Variants in ARL15 observed in about 807,000 individuals in gnomAD.
The protein encoded by ARL15 is ARF like GTPase 15, also known as ADP-ribosylation factor-like protein 15.
A neutral mutation model predicts 25.2 loss-of-function variants in ARL15; 19 were observed. That is an observed-to-expected ratio of 0.75 (90% CI 0.53 to 1.10). The LOEUF is 1.10. Among genes scored for constraint, ARL15 ranks in the 50% least tolerant of loss-of-function variants. The pLI is 0.00. For missense variants in ARL15, 220 were observed against 246.0 expected, an observed-to-expected ratio of 0.89 and a Z score of 0.71; for synonymous variants, 94 against 86.8, an observed-to-expected ratio of 1.08 and a Z score of -0.46.
At chr5:53,989,577 GT>G (rs1278929155) in intron 4 of ARL15, among the ~76,000 whole-genome samples, 7 of 20,912 alleles carry the variant, frequency 3.3e-4, no homozygotes, top group East Asian at 8.8e-3. Flanking sequence ...CCAGGGAGGG[GT>G]GTGTGTGTGT....
At chr5:54,166,526 T>C (rs1027095302) in intron 2 of ARL15, among the ~76,000 whole-genome samples, 5 of 152,062 alleles carry the variant, frequency 3.3e-5, no homozygotes, top group African/African-American at 9.7e-5. Flanking sequence ...TTGTTTGGGG[T>C]TCAGTGAGCT....
At chr5:54,020,628 A>T (rs140436143) in intron 4 of ARL15, among the ~76,000 whole-genome samples, 1 of 152,256 alleles carries the variant, frequency 6.6e-6, no homozygotes, top group East Asian at 1.9e-4. Flanking sequence ...GACTTGTCAT[A>T]CCAAGAACCA....
At chr5:54,023,315 G>T (rs1749676213) in intron 4 of ARL15, among the ~76,000 whole-genome samples, 1 of 83,308 alleles carries the variant, frequency 1.2e-5, no homozygotes, top group Non-Finnish European at 2.7e-5. Context: ...AAATATTACA[G>T]ATATATGGAA....
chr5:54,064,918 G>C (rs1751171152), intron 4 of ARL15, among the ~76,000 whole-genome samples: 1 of 152,166 alleles, frequency 6.6e-6, no homozygotes, highest in South Asian at 2.1e-4. Flanking sequence ...ACAGGAATAA[G>C]CATGTGTAGA....
At chr5:53,931,183 G>C (rs1309312462) in intron 4 of ARL15, among the ~76,000 whole-genome samples, 1 of 152,014 alleles carries the variant, frequency 6.6e-6, no homozygotes, top group Non-Finnish European at 1.5e-5. Context: ...ATATTATTAT[G>C]AAAAAACGCA....
At chr5:54,236,384 G>A (rs1282148731) in intron 1 of ARL15, among the ~76,000 whole-genome samples, 2 of 150,178 alleles carry the variant, frequency 1.3e-5, no homozygotes, top group African/African-American at 2.5e-5. Context: ...GGAAGTGGCC[G>A]AGTTGAACTG....
chr5:53,914,206 A>C (rs112122626), intron 4 of ARL15, among the ~76,000 whole-genome samples: 1 of 151,754 alleles, frequency 6.6e-6, no homozygotes, highest in Non-Finnish European at 1.5e-5. Flanking sequence ...TAAATCTCCC[A>C]ATGTTTTTGA....
rs184797258 is a variant in ARL15 at position 54,119,720 on chromosome 5, C to G, written c.254-6310G>C. Among the ~76,000 whole-genome samples, 318 of 152,252 alleles carry G rather than the reference C, an allele frequency of 2.1e-3. 1 individual carries two copies. The highest frequency in any genetic ancestry group is 7.4e-3 in the African/African-American group (307 of 41,564). On this transcript the variant is annotated intron_variant, in intron 3 of 4. Coordinates refer to ENST00000504924, the MANE Select transcript of ARL15 (RefSeq NM_019087.3). ...AACGTTTTGCTCTCCTGGACCAGAC[C>G]TAAGGTTTCCACCCTTATGCATTTG...
chr5:54,222,994 T>C (rs1756420597), intron 1 of ARL15, among the ~76,000 whole-genome samples: 1 of 150,634 alleles, frequency 6.6e-6, no homozygotes, highest in South Asian at 2.1e-4. Context: ...TTTTTTTTTT[T>C]TTTTTTTTTT....
chr5:54,289,247 G>A (rs1359472397), intron 1 of ARL15, among the ~76,000 whole-genome samples: 1 of 152,074 alleles, frequency 6.6e-6, no homozygotes, highest in African/African-American at 2.4e-5. Context: ...CATGTCCCAT[G>A]CTGGGGACGG....
chr5:54,218,123 G>C (rs923134717), intron 1 of ARL15, among the ~76,000 whole-genome samples: 1 of 152,074 alleles, frequency 6.6e-6, no homozygotes, highest in African/African-American at 2.4e-5. Flanking sequence ...CCATTTATTT[G>C]TGTCTGACCC....
At chr5:53,921,386 C>T (rs1370806063) in intron 4 of ARL15, among the ~76,000 whole-genome samples, 1 of 152,120 alleles carries the variant, frequency 6.6e-6, no homozygotes, top group Non-Finnish European at 1.5e-5. Flanking sequence ...TTAGACATTT[C>T]CCCTTTTAAC....
chr5:53,894,002 T>C (rs1262819541), intron 4 of ARL15, among the ~76,000 whole-genome samples: 1 of 152,202 alleles, frequency 6.6e-6, no homozygotes, highest in African/African-American at 2.4e-5. Flanking sequence ...CTTGCCACAG[T>C]CCCCAAAATA....
At chr5:53,894,809 A>G (rs72763118) in intron 4 of ARL15, among the ~76,000 whole-genome samples, 13,060 of 152,180 alleles carry the variant, frequency 0.086, 699 homozygotes, top group Non-Finnish European at 0.13. Flanking sequence ...ATCTTTTAAG[A>G]CCAAGCTGAT....
At chr5:54,118,795 T>C (rs576698597) in intron 3 of ARL15, among the ~76,000 whole-genome samples, 2 of 152,248 alleles carry the variant, frequency 1.3e-5, no homozygotes, top group South Asian at 2.1e-4. Context: ...GAAAGATTAC[T>C]GAATTGTGTG....
chr5:54,245,911 A>G (rs1178050411), intron 1 of ARL15, among the ~76,000 whole-genome samples: 4 of 152,136 alleles, frequency 2.6e-5, no homozygotes, highest in African/African-American at 7.2e-5. Flanking sequence ...TCTGAAGTCC[A>G]TCATAATTCT....
chr5:54,202,672 A>G (rs1454517837), intron 1 of ARL15, among the ~76,000 whole-genome samples: 1 of 152,202 alleles, frequency 6.6e-6, no homozygotes, highest in Non-Finnish European at 1.5e-5. Context: ...TAGCAATAGA[A>G]AACTAATACA....
intron 3 of ARL15, among the ~76,000 whole-genome samples, chr5:54,151,343 A>C (rs1754065016): frequency 6.6e-6 from 1 of 152,130 alleles, no homozygotes; most frequent in Admixed American, 6.5e-5. Context: ...TTCTGCACTT[A>C]ATTTTTTTCC....
chr5:54,226,996 C>T (rs1756538822), intron 1 of ARL15, among the ~76,000 whole-genome samples: 1 of 152,128 alleles, frequency 6.6e-6, no homozygotes, highest in South Asian at 2.1e-4. Flanking sequence ...TCTTGCCTGC[C>T]GCTATGTAAG....
Sources: allele counts gnomAD v4.1 joint callset (sites outside exome capture counted in the v4.1 genomes callset), GRCh38; gene constraint gnomAD v4.1.1; transcripts MANE v1.5; gene names NCBI Gene and HGNC (gene_info 2026-07-23, HGNC 2026-07-21).